Variants in ZNF726 observed in about 807,000 individuals in gnomAD.
ZNF726 encodes zinc finger protein 92 pseudogene 3.
In ZNF726, 15 loss-of-function variants were observed where a neutral mutation model predicts 11.6. The ratio of observed to expected loss-of-function variants is 1.29; its 90% CI spans 0.86 to 1.99. The LOEUF (loss-of-function observed/expected upper bound fraction) is 1.99. Among genes scored for constraint, ZNF726 ranks in the 30% most tolerant of loss-of-function variants. ZNF726 has a pLI of 0.00. For synonymous variants in ZNF726, 295 were observed against 243.6 expected (o/e 1.21, Z -1.96); for missense variants, 890 against 725.6 (o/e 1.23, Z -2.60).
intron 3 of ZNF726, among the ~76,000 whole-genome samples, chr19:23,940,923 C>T (rs1968328394): frequency 6.6e-6 from 1 of 152,110 alleles, no homozygotes; most frequent in Non-Finnish European, 1.5e-5. Flanking sequence ...ATTATCATAT[C>T]ATCAGCAAAC....
downstream of ZNF726, chr19:23,935,663 C>G (rs1400042953): frequency 3.4e-6 from 1 of 298,238 alleles, no homozygotes; most frequent in African/African-American, 2.2e-5. Flanking sequence ...ATGATTGTTG[C>G]ACTTCATTGT....
chr19:23,920,042 C>G lies in ZNF726; in HGVS notation c.186C>G (p.Pro62=), dbSNP rs746830152. The part of the protein sequence containing the change: ...LIICLEKEKE[P]WNMKRDEMVD... Reference sequence around the variant, plus strand: ...TCTGTCTGGAGAAAGAAAAAGAGCCCTGGAATATGAAGCGAGATGAGATGG... The same window carrying G: ...TCTGTCTGGAGAAAGAAAAAGAGCCGTGGAATATGAAGCGAGATGAGATGG... The change falls in exon 3 of 4, where the codon CCC becomes CCG. Residue 62 remains proline (P), a synonymous_variant. Coordinates refer to ENST00000594466, the MANE Select transcript of ZNF726 (RefSeq NM_001244038.2). 6.3e-7 allele frequency: 1 copy of G among 1,590,692 alleles called. No individual in the cohort carries two copies. The highest frequency in any genetic ancestry group is 2.3e-5 in the East Asian group (1 of 43,628).
At position 23,933,833 on chromosome 19, in the gene ZNF726, G is replaced by A. The variant is rs749500752; in HGVS notation, c.1717G>A (p.Ala573Thr). The A allele has an allele frequency of 4.4e-6, 7 of 1,599,896 alleles. No homozygotes were observed. The highest frequency in any genetic ancestry group is 6.0e-6 in the Non-Finnish European group (7 of 1,173,514). The change falls in exon 4 of 4, where the codon GCG (alanine) becomes ACG (threonine). Residue 573 changes from alanine (A) to threonine (T), a missense_variant. Transcript: ENST00000594466. ...KPYKCEECGK[A>T]FNRSSNLSTH... ...TTACAAGTGTGAAGAATGTGGAAAAGCGTTTAATCGATCCTCAAATCTTAG... is the reference window on the plus strand; with the variant it reads ...TTACAAGTGTGAAGAATGTGGAAAAACGTTTAATCGATCCTCAAATCTTAG...
chr19:23,922,876 TG>T (rs1391751878), intron 3 of ZNF726, among the ~76,000 whole-genome samples: 1 of 151,978 alleles, frequency 6.6e-6, no homozygotes, highest in Non-Finnish European at 1.5e-5. Context: ...TTGTCAGGAA[TG>T]GATGACAAAT....
At chr19:23,943,166 G>A (rs1968365106) in intron 3 of ZNF726, among the ~76,000 whole-genome samples, 1 of 152,088 alleles carries the variant, frequency 6.6e-6, no homozygotes, top group Non-Finnish European at 1.5e-5. Context: ...GACTACAAAT[G>A]TGCACCACCA....
chr19:23,916,226 T>G (rs945030063), intron 1 of ZNF726, among the ~76,000 whole-genome samples: 1 of 152,204 alleles, frequency 6.6e-6, no homozygotes, highest in Non-Finnish European at 1.5e-5. Context: ...AATTTCCAGT[T>G]TTGTCTGACG....
intron 3 of ZNF726, among the ~76,000 whole-genome samples, chr19:23,939,764 C>G (rs1375685464): frequency 6.6e-6 from 1 of 151,708 alleles, no homozygotes; most frequent in Non-Finnish European, 1.5e-5. Flanking sequence ...TTGCATTTCC[C>G]TTATCATTAG....
chr19:23,926,778 GCT>G (rs1967998700), intron 3 of ZNF726, among the ~76,000 whole-genome samples: 1 of 151,866 alleles, frequency 6.6e-6, no homozygotes, highest in African/African-American at 2.4e-5. Flanking sequence ...TCATTTCTGG[GCT>G]CTCTATTCTG....
chr19:23,937,308 C>T (rs563164227), downstream of ZNF726, among the ~76,000 whole-genome samples: 320 of 151,834 alleles, frequency 2.1e-3, 3 homozygotes, highest in Non-Finnish European at 3.8e-3. Flanking sequence ...CCCTTCCGGA[C>T]GAGGTGGCTA....
At position 23,933,172 on chromosome 19, in the gene ZNF726, A is replaced by C. The variant is rs752209914; in HGVS notation, c.1056A>C (p.Gln352His). The part of the protein sequence containing the change: ...KCEECAKAFS[Q>H]FGHLTTHRII... ...AAGAATGTGCCAAAGCTTTTAGCCAATTCGGACACCTTACTACACATAGGA... is the reference window on the plus strand; with the variant it reads ...AAGAATGTGCCAAAGCTTTTAGCCACTTCGGACACCTTACTACACATAGGA... The change falls in exon 4 of 4, where the codon CAA becomes CAC. Residue 352 changes from glutamine to histidine, a missense_variant. By Grantham distance (24) the Gln-to-His change is conservative (BLOSUM62 0). Coordinates refer to ENST00000594466, the MANE Select transcript of ZNF726 (RefSeq NM_001244038.2). 2 of 1,601,620 alleles carry C rather than the reference A, an allele frequency of 1.2e-6. No individual in the cohort carries two copies. The highest frequency in any genetic ancestry group is 1.7e-6 in the Non-Finnish European group (2 of 1,173,346).
intron 3 of ZNF726, among the ~76,000 whole-genome samples, chr19:23,921,883 C>T (rs1326524304): frequency 2.0e-5 from 3 of 152,194 alleles, no homozygotes; most frequent in African/African-American, 7.2e-5. Context: ...TCTTAATTCA[C>T]ATACTTTCAG....
downstream of ZNF726, among the ~76,000 whole-genome samples, chr19:23,937,737 T>C (rs985523332): frequency 3.3e-5 from 5 of 152,016 alleles, no homozygotes; most frequent in Middle Eastern, 3.4e-3. Context: ...ACTTCCCAGA[T>C]GGGGTGGTGG....
chr19:23,940,530 G>T (rs1968322178), intron 3 of ZNF726, among the ~76,000 whole-genome samples: 3 of 151,926 alleles, frequency 2.0e-5, no homozygotes, highest in Admixed American at 6.6e-5. Flanking sequence ...TGTGAAGAAT[G>T]ATGGTGGTAT....
chr19:23,919,491 C>G lies in ZNF726; in HGVS notation c.122C>G (p.Ala41Gly). 6.3e-7 allele frequency: 1 copy of G among 1,598,022 alleles called. No homozygotes were observed. The highest frequency in any genetic ancestry group is 1.1e-5 in the South Asian group (1 of 88,110). Residue 41 changes from alanine to glycine, a missense_variant, in exon 2 of 4, where the codon GCC (alanine) becomes GGC (glycine). Coordinates refer to ENST00000594466, the MANE Select transcript of ZNF726 (RefSeq NM_001244038.2). ...NVMLENYRNL[A>G]FLGIAVSKPD... ...ATGTTAGAGAACTACAGAAACCTGG[C>G]CTTCCTGGGTGAGGATAACTTTAAT...
chr19:23,937,141 A>AC (rs1366075259), downstream of ZNF726, among the ~76,000 whole-genome samples: 74 of 116,012 alleles, frequency 6.4e-4, no homozygotes, highest in African/African-American at 1.8e-3. Flanking sequence ...GGGGGGGCTG[A>AC]CCCCCCCACC....
At chr19:23,928,489 C>T (rs980559741) in intron 3 of ZNF726, 1 of 152,036 alleles carries the variant, frequency 6.6e-6, no homozygotes, top group Non-Finnish European at 1.5e-5. Context: ...ATTGTACATA[C>T]ACATACAGAT....
At chr19:23,926,378 C>T (rs1000164484) in intron 3 of ZNF726, among the ~76,000 whole-genome samples, 12 of 151,880 alleles carry the variant, frequency 7.9e-5, no homozygotes, top group Non-Finnish European at 1.6e-4. Flanking sequence ...CGTGGTGAAA[C>T]CCCGTCTCTA....
Position 23,933,096 on chromosome 19 carries a change from C to G in ZNF726, c.980C>G (p.Thr327Ser). 6.2e-7 allele frequency: 1 copy of G among 1,610,310 alleles called. No homozygotes were observed. Among genetic ancestry groups the G allele is most frequent in the Non-Finnish European group, 8.5e-7 (1 of 1,179,496 alleles). The change falls in exon 4 of 4, where the codon ACC (threonine) becomes AGC (serine). Residue 327 changes from threonine (T) to serine (S), a missense_variant. By Grantham distance (58) the Thr-to-Ser change is moderately conservative (BLOSUM62 1). Transcript: ENST00000594466. ...ECGKAFVWSS[T>S]LTRHKRLHSG... is the part of the protein sequence containing the mutation. ...GGCAAAGCATTTGTTTGGTCCTCAA[C>G]CCTAACTAGACATAAGAGGCTGCAC...
chr19:23,931,959 A>G (rs1432714902), intron 3 of ZNF726, among the ~76,000 whole-genome samples: 1 of 152,188 alleles, frequency 6.6e-6, no homozygotes, highest in African/African-American at 2.4e-5. Context: ...AGAAATGATA[A>G]TGAATGTGCC....
Sources: allele counts gnomAD v4.1 joint callset (sites outside exome capture counted in the v4.1 genomes callset), GRCh38; gene constraint gnomAD v4.1.1; transcripts MANE v1.5; gene names NCBI Gene and HGNC (gene_info 2026-07-23, HGNC 2026-07-21).